The following CHRM3 variants were observed in gnomAD, a reference collection of about 807,000 sequenced individuals.
CHRM3 encodes muscarinic acetylcholine receptor M3.
Under a neutral mutation model 41.8 loss-of-function variants are expected in CHRM3, and 11 were observed. The ratio of observed to expected loss-of-function variants is 0.26; its 90% CI spans 0.17 to 0.44. CHRM3 has a LOEUF of 0.44. Ranked by LOEUF, CHRM3 falls within the 20% of genes least tolerant of loss-of-function variation. The pLI, the probability that CHRM3 is intolerant of heterozygous loss-of-function variation, is 1.00. For synonymous variants in CHRM3, 297 were observed against 301.4 expected (o/e 0.99, Z 0.15); for missense variants, 571 against 745.4 (o/e 0.77, Z 2.72).
chr1:239,662,551 G>A (rs760038251), intron 4 of CHRM3, among the ~76,000 whole-genome samples: 1 of 151,962 alleles, frequency 6.6e-6, no homozygotes, highest in African/African-American at 2.4e-5. Flanking sequence ...AATTATAGCC[G>A]CAAAGCAATA....
At chr1:239,759,309 T>G (rs148749717) in intron 5 of CHRM3, among the ~76,000 whole-genome samples, 61 of 149,076 alleles carry the variant, frequency 4.1e-4, no homozygotes, top group African/African-American at 1.5e-3. Flanking sequence ...GGAAACACAT[T>G]ATTTTGAAAA....
At chr1:239,407,417 T>TATAG in intron 1 of CHRM3, among the ~76,000 whole-genome samples, 58 of 134,196 alleles carry the variant, frequency 4.3e-4, no homozygotes, top group African/African-American at 1.1e-3. Flanking sequence ...TATATATATA[T>TATAG]AGAGAGAGAG....
At chr1:239,683,667 T>A (rs1179305140) in intron 5 of CHRM3, among the ~76,000 whole-genome samples, 1 of 152,214 alleles carries the variant, frequency 6.6e-6, no homozygotes, top group Non-Finnish European at 1.5e-5. Flanking sequence ...TTCGACAGCA[T>A]CTCTGCAAAC....
intron 3 of CHRM3, among the ~76,000 whole-genome samples, chr1:239,569,385 C>T (rs1661633466): frequency 1.3e-5 from 2 of 152,138 alleles, no homozygotes; most frequent in African/African-American, 2.4e-5. Flanking sequence ...GCCCCATCAA[C>T]TCATCATATA....
chr1:239,653,558 A>G (rs2148978353), intron 4 of CHRM3, among the ~76,000 whole-genome samples: 1 of 152,318 alleles, frequency 6.6e-6, no homozygotes, highest in South Asian at 2.1e-4. Context: ...GTCTCTTCAG[A>G]TACAGAAGCC....
intron 2 of CHRM3, among the ~76,000 whole-genome samples, chr1:239,524,761 C>T (rs778798002): frequency 9.9e-5 from 15 of 152,142 alleles, no homozygotes; most frequent in South Asian, 2.1e-4. Flanking sequence ...GCTTTTTTAC[C>T]GTGCTGCACA....
chr1:239,729,732 T>TA (rs767310038), intron 5 of CHRM3, among the ~76,000 whole-genome samples: 3 of 150,778 alleles, frequency 2.0e-5, no homozygotes, highest in Non-Finnish European at 4.4e-5. Flanking sequence ...ACAAATGCCT[T>TA]AAAAATGCGT....
At chr1:239,401,480 TTC>T (rs1172381476) in intron 1 of CHRM3, among the ~76,000 whole-genome samples, 1 of 152,104 alleles carries the variant, frequency 6.6e-6, no homozygotes, top group East Asian at 1.9e-4. Context: ...CCCAAAATTC[TTC>T]TCTCTCTTTT....
intron 5 of CHRM3, among the ~76,000 whole-genome samples, chr1:239,817,140 A>T (rs1671659941): frequency 6.6e-6 from 1 of 152,122 alleles, no homozygotes; most frequent in African/African-American, 2.4e-5. Context: ...CTAAGGGTTT[A>T]CTATGCCTGT....
At chr1:239,642,518 A>G (rs1046482662) in intron 4 of CHRM3, among the ~76,000 whole-genome samples, 1 of 151,926 alleles carries the variant, frequency 6.6e-6, no homozygotes, top group Non-Finnish European at 1.5e-5. Context: ...CATTCATTTC[A>G]TCTTCCATCA....
chr1:239,516,625 A>G (rs1173180494), intron 2 of CHRM3, among the ~76,000 whole-genome samples: 1 of 152,228 alleles, frequency 6.6e-6, no homozygotes, highest in Non-Finnish European at 1.5e-5. Flanking sequence ...GAGGAAAAGC[A>G]GTGCATGAAT....
At chr1:239,498,504 C>T (rs545542143) in intron 2 of CHRM3, among the ~76,000 whole-genome samples, 3 of 152,030 alleles carry the variant, frequency 2.0e-5, no homozygotes, top group African/African-American at 4.8e-5. Flanking sequence ...GTAATCTAAG[C>T]GTTCTCAAGG....
At chr1:239,418,672 T>C (rs1269298970) in intron 1 of CHRM3, among the ~76,000 whole-genome samples, 1 of 152,238 alleles carries the variant, frequency 6.6e-6, no homozygotes, top group Non-Finnish European at 1.5e-5. Context: ...TGTTTGCTTC[T>C]TAGAAAATCA....
intron 2 of CHRM3, among the ~76,000 whole-genome samples, chr1:239,533,798 A>G (rs1657921480): frequency 1.3e-5 from 2 of 151,504 alleles, no homozygotes; most frequent in Admixed American, 6.6e-5. Context: ...CTCACTCACC[A>G]TCACGAGAAC....
At chr1:239,388,746 C>T (rs990526047) in intron 1 of CHRM3, among the ~76,000 whole-genome samples, 1 of 152,222 alleles carries the variant, frequency 6.6e-6, no homozygotes, top group African/African-American at 2.4e-5. Context: ...CCGAAGTATA[C>T]ATGTGCAAGG....
intron 1 of CHRM3, among the ~76,000 whole-genome samples, chr1:239,433,395 T>C (rs1451273416): frequency 6.6e-6 from 1 of 152,218 alleles, no homozygotes; most frequent in African/African-American, 2.4e-5. Flanking sequence ...TAAATCTCTT[T>C]TCTTCTATAG....
At chr1:239,554,918 C>T (rs184774559) in intron 3 of CHRM3, among the ~76,000 whole-genome samples, 68 of 151,836 alleles carry the variant, frequency 4.5e-4, no homozygotes, top group African/African-American at 1.6e-3. Flanking sequence ...TTATTAGAGA[C>T]GGGGTTTCAC....
intron 6 of CHRM3, among the ~76,000 whole-genome samples, chr1:239,871,678 C>T (rs1239610800): frequency 6.6e-6 from 1 of 152,218 alleles, no homozygotes; most frequent in East Asian, 1.9e-4. Flanking sequence ...ATGTCTCTGT[C>T]GTCATATTTT....
intron 4 of CHRM3, among the ~76,000 whole-genome samples, chr1:239,663,078 T>G (rs1189177802): frequency 6.6e-6 from 1 of 151,912 alleles, no homozygotes; most frequent in Non-Finnish European, 1.5e-5. Flanking sequence ...TTGCTGTGTT[T>G]GGGAAGCAGA....
Sources: gnomAD v4.1 joint callset for allele counts (sites outside exome capture counted in the v4.1 genomes callset) on GRCh38, gnomAD v4.1.1 for gene constraint, MANE v1.5 for transcripts, NCBI Gene and HGNC (gene_info 2026-07-23, HGNC 2026-07-21) for gene names.